The following SMIM29 variants were observed in gnomAD, a reference collection of about 807,000 sequenced individuals.
The protein encoded by SMIM29 is uncharacterized protein C6orf1.
In SMIM29, 4 loss-of-function variants were observed where a neutral mutation model predicts 12.9. The ratio of observed to expected loss-of-function variants is 0.31; its 90% CI spans 0.15 to 0.71. The LOEUF (loss-of-function observed/expected upper bound fraction) is 0.71. Ranked by LOEUF, SMIM29 falls within the 30% of genes least tolerant of loss-of-function variation. SMIM29 has a pLI of 0.70. For synonymous variants in SMIM29, 50 were observed against 52.0 expected (o/e 0.96, Z 0.17); for missense variants, 122 against 138.1 (o/e 0.88, Z 0.58).
chr6:34,246,872 TCG>T lies in SMIM29; in HGVS notation c.244-6_244-5del. On this transcript the variant is annotated splice_region_variant and splice_polypyrimidine_tract_variant and intron_variant, in intron 4 of 4. Coordinates refer to ENST00000476320, the MANE Select transcript of SMIM29 (RefSeq NM_001008703.4). ...CACTCTGCCAGCCATGTACCACCTG[TCG>T]GGGAGGAGACCACACCACAAGGCTG... 2.5e-6 allele frequency: 4 copies of T among 1,605,276 alleles called. No homozygotes were observed. Among genetic ancestry groups the T allele is most frequent in the Non-Finnish European group, 3.4e-6 (4 of 1,174,592 alleles).
At position 34,247,016 on chromosome 6, in the gene SMIM29, ATTCTCCCCCTGGCCCCCAAG is replaced by A. The variant is rs1445751195; in HGVS notation, c.243+8_243+27del. On this transcript the variant is annotated splice_region_variant and intron_variant, in intron 4 of 4. Transcript: ENST00000476320. ...ACAGGGCTGACTCCCACCTTGCCTCATTCTCCCCCTGGCCCCCAAGTGCTCACCTTGGGGTCTCCCATGTC... is the reference window on the plus strand; with the variant it reads ...ACAGGGCTGACTCCCACCTTGCCTCATGCTCACCTTGGGGTCTCCCATGTC... 6.2e-7 allele frequency: 1 copy of A among 1,613,828 alleles called. No homozygotes were observed.
At chr6:34,248,574 C>A (rs1762896433) in intron 1 of SMIM29, 7 of 985,556 alleles carry the variant, frequency 7.1e-6, no homozygotes, top group Non-Finnish European at 8.4e-6. Flanking sequence ...GGTCAGTCCC[C>A]ATCGACAGAA....
At chr6:34,248,524 C>T in intron 1 of SMIM29, 2 of 985,072 alleles carry the variant, frequency 2.0e-6, no homozygotes, top group Non-Finnish European at 2.4e-6. Context: ...CGCCCAGGTC[C>T]CTCCCCTCCT....
At position 34,246,781 on chromosome 6, in the gene SMIM29, A is replaced by C; in HGVS notation, c.*22T>G. 1 of 1,613,318 alleles carries C rather than the reference A, an allele frequency of 6.2e-7. No homozygotes were observed. Among genetic ancestry groups the C allele is most frequent in the Non-Finnish European group, 8.5e-7 (1 of 1,179,986 alleles). On this transcript the variant is annotated 3_prime_UTR_variant, in exon 5 of 5. Coordinates refer to ENST00000476320, the MANE Select transcript of SMIM29 (RefSeq NM_001008703.4). Reference sequence around the variant, plus strand: ...GGCAGTCCAGGACCCCAGGCTCTGAAGGGTGGGGCAAGGGGGTCAGGTCAC... The same window carrying C: ...GGCAGTCCAGGACCCCAGGCTCTGACGGGTGGGGCAAGGGGGTCAGGTCAC...
chr6:34,247,913 A>G, intron 1 of SMIM29, 49 bp from the exon 2 acceptor site: 1 of 1,240,030 alleles, frequency 8.1e-7, no homozygotes, highest in Non-Finnish European at 1.0e-6. Flanking sequence ...TGACATCCAG[A>G]CTCTGGATCC....
At chr6:34,247,171 T>C in intron 3 of SMIM29, 22 bp from the exon 4 acceptor site, 1 of 1,613,348 alleles carries the variant, frequency 6.2e-7, no homozygotes, top group Non-Finnish European at 8.5e-7. Flanking sequence ...GGGAGGGGAC[T>C]CAGCTAGGAG....
chr6:34,247,800 C>T lies in SMIM29; in HGVS notation c.-9G>A. 1.6e-6 allele frequency: 2 copies of T among 1,289,240 alleles called. No individual in the cohort carries two copies. The highest frequency in any genetic ancestry group is 9.8e-7 in the Non-Finnish European group (1 of 1,022,520). The allele number at this position is 1,289,240 out of a possible 1,614,324, so 79.9% of individuals were successfully genotyped here. A position where few individuals can be genotyped will look rare whatever the true frequency, so the allele number is the denominator to read the frequency against. On this transcript the variant is annotated 5_prime_UTR_variant, in exon 2 of 5. Coordinates refer to ENST00000476320, the MANE Select transcript of SMIM29 (RefSeq NM_001008703.4). ...ACAGTGGTGTTACTCATGACATCAG[C>T]AGCCGGAGGGCTGGGTGGTCAGCAT...
chr6:34,247,015 C>T (rs1397860657), intron 4 of SMIM29, 29 bp downstream of exon 4: 2 of 1,613,940 alleles, frequency 1.2e-6, no homozygotes, highest in Middle Eastern at 1.6e-4. Context: ...CACCTTGCCT[C>T]ATTCTCCCCC....
Position 34,247,319 on chromosome 6 carries a change from GTGAGTAACC to G in SMIM29, c.137+139_137+147del, listed in dbSNP as rs1019107687. 2.6e-6 allele frequency: 4 copies of G among 1,535,296 alleles called. No individual in the cohort carries two copies. In the African/African-American group the frequency reaches 5.5e-5, roughly 21 times the overall value. The stretch of plus-strand genomic sequence containing the variant: ...TGATTCTACAAAGGGGCTTTCCCCA[GTGAGTAACC>G]TGAGGCTGGGGCAGGGAAAACAAAT... On this transcript the variant is annotated intron_variant, in intron 3 of 4. Coordinates refer to ENST00000476320, the MANE Select transcript of SMIM29 (RefSeq NM_001008703.4).
chr6:34,248,029 A>C (rs1205539305), intron 1 of SMIM29, 165 bp from the exon 2 acceptor site: 2 of 985,318 alleles, frequency 2.0e-6, no homozygotes, highest in Non-Finnish European at 2.4e-6. Context: ...GAGTCTTGGC[A>C]AATCCTGGCA....
chr6:34,247,661 T>C lies in SMIM29; in HGVS notation c.111+20A>G. On this transcript the variant is annotated intron_variant, in intron 2 of 4. Transcript: ENST00000476320. The stretch of plus-strand genomic sequence containing the variant: ...CTTAGCAAAGCTGTGGGTGTCTGTG[T>C]GTATATGAGGGCTCCTTACCACAGC... 2.1e-6 allele frequency: 3 copies of C among 1,425,198 alleles called. No individual in the cohort carries two copies. The highest frequency in any genetic ancestry group is 2.7e-6 in the Non-Finnish European group (3 of 1,095,936). The allele number at this position is 1,425,198 out of a possible 1,614,324, so 88.3% of individuals were successfully genotyped here.
chr6:34,248,704 C>A (rs1042782813), intron 1 of SMIM29: 5 of 985,406 alleles, frequency 5.1e-6, no homozygotes, highest in Non-Finnish European at 4.8e-6. Context: ...CCGTAGGGCA[C>A]GGGGCATCGA....
At position 34,246,623 on chromosome 6, in the gene SMIM29, C is replaced by A. The variant is rs952538613; in HGVS notation, c.*180G>T. ...CTCAACACCCACAAAGGGCAGAAGG[C>A]CTGGGGGCAGTGAGGTGATGGTGAG... is the stretch of plus-strand genomic sequence containing the variant. On this transcript the variant is annotated 3_prime_UTR_variant, in exon 5 of 5. Coordinates refer to ENST00000476320, the MANE Select transcript of SMIM29 (RefSeq NM_001008703.4). 1 of 1,613,806 alleles carries A rather than the reference C, an allele frequency of 6.2e-7. No homozygotes were observed. Among genetic ancestry groups the A allele is most frequent in the African/African-American group, 1.3e-5 (1 of 75,028 alleles).
intron 1 of SMIM29, chr6:34,248,253 G>T: frequency 1.0e-6 from 1 of 985,438 alleles, no homozygotes; most frequent in Non-Finnish European, 1.2e-6. Context: ...GGATAAATGA[G>T]GTCTAAAGGA....
chr6:34,246,630 G>A lies in SMIM29; in HGVS notation c.*173C>T, dbSNP rs766433211. ...CCCACAAAGGGCAGAAGGCCTGGGG[G>A]CAGTGAGGTGATGGTGAGGGCATGG... On this transcript the variant is annotated 3_prime_UTR_variant, in exon 5 of 5. Transcript: ENST00000476320. 21 of 1,613,970 alleles carry A rather than the reference G, an allele frequency of 1.3e-5. No individual in the cohort carries two copies. The highest frequency in any genetic ancestry group is 2.2e-5 in the East Asian group (1 of 44,876).
chr6:34,247,725 C>T lies in SMIM29; in HGVS notation c.67G>A (p.Gly23Arg). 7.2e-7 allele frequency: 1 copy of T among 1,390,098 alleles called. No homozygotes were observed. Among genetic ancestry groups the T allele is most frequent in the East Asian group, 2.7e-5 (1 of 37,110 alleles). 86.1% of individuals were successfully genotyped at this position (1,390,098 alleles called of 1,614,324 possible). A position where few individuals can be genotyped will look rare whatever the true frequency, so the allele number is the denominator to read the frequency against. ...ACCAGGGTGATGAGGAAGAAGGGCC[C>T]CAACACATAGCCCACCATGGAGTCG... Reference protein sequence around the residue: ...NSDSMVGYVLGPFFLITLVGV... With the variant: ...NSDSMVGYVLRPFFLITLVGV... Residue 23 changes from glycine to arginine, a missense_variant, in exon 2 of 5, where the codon GGG (glycine) becomes AGG (arginine). Physicochemically the swap from Gly to Arg is moderately radical, Grantham distance 125. Transcript: ENST00000476320.
intron 1 of SMIM29, chr6:34,248,570 T>TC: frequency 1.0e-6 from 1 of 985,504 alleles, no homozygotes; most frequent in South Asian, 4.7e-5. Context: ...AGAGGGTCAG[T>TC]CCCCATCGAC....
chr6:34,247,771 G>A lies in SMIM29; in HGVS notation c.21C>T (p.Pro7=). 7.4e-7 allele frequency: 1 copy of A among 1,344,044 alleles called. No homozygotes were observed. Among genetic ancestry groups the A allele is most frequent in the Non-Finnish European group, 9.5e-7 (1 of 1,053,476 alleles). The allele number at this position is 1,344,044 out of a possible 1,614,324, so 83.3% of individuals were successfully genotyped here. Reference sequence around the variant, plus strand: ...AGTCGCTGTTGGCCTGGGGGGCATTGGGCACAGTGGTGTTACTCATGACAT... The same window carrying A: ...AGTCGCTGTTGGCCTGGGGGGCATTAGGCACAGTGGTGTTACTCATGACAT... MSNTTV[P]NAPQANSDSM... The change falls in exon 2 of 5, where the codon CCC becomes CCT. Residue 7 remains proline, a synonymous_variant. Transcript: ENST00000476320.
chr6:34,247,664 A>G lies in SMIM29; in HGVS notation c.111+17T>C. The G allele has an allele frequency of 2.8e-6, 4 of 1,422,946 alleles. No individual in the cohort carries two copies. Among genetic ancestry groups the G allele is most frequent in the Non-Finnish European group, 1.8e-6 (2 of 1,094,982 alleles). The allele number at this position is 1,422,946 out of a possible 1,614,324, so 88.1% of individuals were successfully genotyped here. A position where few individuals can be genotyped will look rare whatever the true frequency, so the allele number is the denominator to read the frequency against. On this transcript the variant is annotated intron_variant, in intron 2 of 4. Coordinates refer to ENST00000476320, the MANE Select transcript of SMIM29 (RefSeq NM_001008703.4). ...AGCAAAGCTGTGGGTGTCTGTGTGT[A>G]TATGAGGGCTCCTTACCACAGCCAC...
Sources: gnomAD v4.1 joint callset for allele counts on GRCh38, gnomAD v4.1.1 for gene constraint, MANE v1.5 for transcripts, NCBI Gene and HGNC (gene_info 2026-07-23, HGNC 2026-07-21) for gene names.